MMUT: variants seen among roughly 807,000 people sequenced by gnomAD.
The protein encoded by MMUT is methylmalonyl-CoA mutase, also known as methylmalonyl-CoA mutase, mitochondrial.
Under a neutral mutation model 79.9 loss-of-function variants are expected in MMUT, and 79 were observed. The ratio of observed to expected loss-of-function variants is 0.99; its 90% CI spans 0.82 to 1.19. The LOEUF (loss-of-function observed/expected upper bound fraction) is 1.19, where lower values mean the gene tolerates loss of function less well. MMUT is among the 50% of genes most tolerant of loss of function. The pLI is 0.00. For synonymous variants in MMUT, 273 were observed against 295.7 expected, an observed-to-expected ratio of 0.92 and a Z score of 0.79; for missense variants, 860 against 917.2, an observed-to-expected ratio of 0.94 and a Z score of 0.81.
intron 8 of MMUT, among the ~76,000 whole-genome samples, chr6:49,445,150 A>G (rs1282357190): frequency 2.6e-5 from 4 of 152,126 alleles, no homozygotes; most frequent in Non-Finnish European, 5.9e-5. Context: ...ATCAAAACTT[A>G]GAGAATATTT....
At chr6:49,434,747 T>C (rs1327775936) in intron 12 of MMUT, among the ~76,000 whole-genome samples, 1 of 152,180 alleles carries the variant, frequency 6.6e-6, no homozygotes, top group Non-Finnish European at 1.5e-5. Context: ...AGGTAACATC[T>C]GTTTCTCCTC....
Position 49,458,187 on chromosome 6 carries a change from G to A in MMUT, c.386-129C>T, listed in dbSNP as rs970901037. ...ACACTTTTATAACAACTATTTTTAT[G>A]CTCATACATGTCAAAACCAACTTAA... On this transcript the variant is annotated intron_variant, in intron 2 of 12. Transcript: ENST00000274813. 5 of 921,496 alleles carry A rather than the reference G, an allele frequency of 5.4e-6. No individual in the cohort carries two copies. The African/African-American group carries it at 8.4e-5, about 15-fold the overall frequency. The allele number at this position is 921,496 out of a possible 1,614,324, so 57.1% of individuals were successfully genotyped here.
chr6:49,432,578 A>G (rs1019521468), intron 12 of MMUT, among the ~76,000 whole-genome samples: 3 of 152,008 alleles, frequency 2.0e-5, no homozygotes, highest in Non-Finnish European at 2.9e-5. Context: ...TAGTAGACAC[A>G]GGGTTTCACC....
intron 6 of MMUT, among the ~76,000 whole-genome samples, chr6:49,451,098 A>AT (rs1450735024): frequency 1.3e-5 from 2 of 152,162 alleles, no homozygotes; most frequent in Non-Finnish European, 2.9e-5. Flanking sequence ...TATACATGTG[A>AT]TTTTAAACTA....
Position 49,431,680 on chromosome 6 carries a change from C to T in MMUT, c.*48G>A, listed in dbSNP as rs1306698212. ...ACATAGCTTTACTCTCTTCTTTGAT[C>T]ATAACTAAAATAATATTTTAGACAA... On this transcript the variant is annotated 3_prime_UTR_variant, in exon 13 of 13. Coordinates refer to ENST00000274813, the MANE Select transcript of MMUT (RefSeq NM_000255.4). 1 of 1,572,446 alleles carries T rather than the reference C, an allele frequency of 6.4e-7. No individual in the cohort carries two copies. The highest frequency in any genetic ancestry group is 1.1e-5 in the South Asian group (1 of 89,286).
chr6:49,454,023 C>T (rs1314251993), intron 4 of MMUT, among the ~76,000 whole-genome samples: 1 of 151,970 alleles, frequency 6.6e-6, no homozygotes, highest in Non-Finnish European at 1.5e-5. Flanking sequence ...TCTTCCTATG[C>T]CCTTCATTAA....
Position 49,440,261 on chromosome 6 carries a change from A to ATAAC in MMUT, c.1897_1900dup (p.Ile634SerfsTer8). 2 of 1,614,128 alleles carry ATAAC rather than the reference A, an allele frequency of 1.2e-6. No homozygotes were observed. The highest frequency in any genetic ancestry group is 1.7e-6 in the Non-Finnish European group (2 of 1,179,982). The stretch of plus-strand genomic sequence containing the variant: ...ACCAAGATCAGCAAATCCTGTAGCA[A>ATAAC]TAACTTTTGCTCCTCTGTCATGGCC... On this transcript the variant is annotated frameshift_variant, in exon 11 of 13. Transcript: ENST00000274813. LOFTEE classifies it high-confidence loss of function.
In MMUT at chr6:49,459,364, G is replaced by A. The variant is rs1356455272; in HGVS notation, c.103C>T (p.Gln35Ter). The A allele has an allele frequency of 6.2e-7, 1 of 1,613,866 alleles. No homozygotes were observed. The highest frequency in any genetic ancestry group is 8.5e-7 in the Non-Finnish European group (1 of 1,179,974). The change falls in exon 2 of 13, where the codon CAG becomes TAG. Residue 35 changes from glutamine to a stop codon, truncating the protein, a stop_gained. Coordinates refer to ENST00000274813, the MANE Select transcript of MMUT (RefSeq NM_000255.4). LOFTEE classifies it high-confidence loss of function. ...CATTCTGGGTGAAGGGGCTGTTGCT[G>A]GTGTAGAAGTCGTTGCTGTATGAGC... Reference protein sequence around the residue: ...SRLIQQRLLHQQQPLHPEWAA... With the variant: ...SRLIQQRLLH
chr6:49,431,364 TAGTC>T lies in MMUT; in HGVS notation c.*360_*363del, dbSNP rs576059123. The T allele has an allele frequency of 1.3e-4, 21 of 163,038 alleles. 1 individual carries two copies. The South Asian group carries it at 3.5e-3, about 27-fold the overall frequency. The allele number at this position is 163,038 out of a possible 1,614,324, so 10.1% of individuals were successfully genotyped here. A position where few individuals can be genotyped will look rare whatever the true frequency, so the allele number is the denominator to read the frequency against. On this transcript the variant is annotated 3_prime_UTR_variant, in exon 13 of 13. Transcript: ENST00000274813. ...GTAATGCTAAACTGACAAATGGGAATAGTCAGAGTTTTTTTAGGTACAGTTTAAT... is the reference window on the plus strand; with the variant it reads ...GTAATGCTAAACTGACAAATGGGAATAGAGTTTTTTTAGGTACAGTTTAAT...
chr6:49,446,649 A>C (rs1006542803), intron 8 of MMUT, among the ~76,000 whole-genome samples: 1 of 151,874 alleles, frequency 6.6e-6, no homozygotes, highest in African/African-American at 2.4e-5. Context: ...CAAGAAAAGG[A>C]TTTAGTACAG....
intron 11 of MMUT, among the ~76,000 whole-genome samples, chr6:49,438,015 A>C (rs1201766621): frequency 6.6e-6 from 1 of 152,094 alleles, no homozygotes; most frequent in African/African-American, 2.4e-5. Context: ...AGTAATTTTC[A>C]TACTATGTAC....
chr6:49,441,609 A>G (rs911179009), intron 10 of MMUT, among the ~76,000 whole-genome samples: 2 of 149,290 alleles, frequency 1.3e-5, no homozygotes, highest in Middle Eastern at 3.6e-3. Context: ...TAGATATATA[A>G]TATGTATCAT....
At chr6:49,443,587 CA>C (rs1312332290) in intron 9 of MMUT, among the ~76,000 whole-genome samples, 1 of 152,042 alleles carries the variant, frequency 6.6e-6, no homozygotes, top group Non-Finnish European at 1.5e-5. Context: ...GGTAATATTT[CA>C]GACTCCTTCT....
chr6:49,450,521 C>T (rs954532398), intron 6 of MMUT, among the ~76,000 whole-genome samples: 6 of 151,856 alleles, frequency 4.0e-5, no homozygotes, highest in Non-Finnish European at 7.4e-5. Flanking sequence ...AAAGAAAGAT[C>T]CTGAATGAGA....
intron 11 of MMUT, among the ~76,000 whole-genome samples, chr6:49,438,924 C>T (rs146676240): frequency 6.6e-6 from 1 of 152,298 alleles, no homozygotes; most frequent in African/African-American, 2.4e-5. Flanking sequence ...CTCGGACTGG[C>T]TCTCCTTGCT....
intron 12 of MMUT, among the ~76,000 whole-genome samples, chr6:49,432,320 G>A (rs1766999744): frequency 7.3e-6 from 1 of 137,144 alleles, no homozygotes; most frequent in African/African-American, 2.7e-5. Context: ...TTCTATAAAT[G>A]AAAATAAGCC....
Position 49,431,469 on chromosome 6 carries a change from C to A in MMUT, c.*259G>T. The A allele has an allele frequency of 4.2e-6, 1 of 238,310 alleles. No homozygotes were observed. The highest frequency in any genetic ancestry group is 8.2e-6 in the Non-Finnish European group (1 of 121,466). 14.8% of individuals were successfully genotyped at this position (238,310 alleles called of 1,614,324 possible). A position where few individuals can be genotyped will look rare whatever the true frequency, so the allele number is the denominator to read the frequency against. On this transcript the variant is annotated 3_prime_UTR_variant, in exon 13 of 13. Coordinates refer to ENST00000274813, the MANE Select transcript of MMUT (RefSeq NM_000255.4). Reference sequence around the variant, plus strand: ...TCACCATGATTTTTAAAAATAATACCATTGTCCAGAGTTCTTGATAAAGTA... The same window carrying A: ...TCACCATGATTTTTAAAAATAATACAATTGTCCAGAGTTCTTGATAAAGTA...
rs1767677480 is a variant in MMUT at position 49,456,021 on chromosome 6, A to G, written c.911+59T>C. The G allele has an allele frequency of 4.0e-5, 55 of 1,365,136 alleles. 2 individuals are homozygous for G. In the South Asian group the frequency reaches 6.7e-4, roughly 17 times the overall value. 84.6% of individuals were successfully genotyped at this position (1,365,136 alleles called of 1,614,324 possible). ...ATTTATAAATTCATTTTATCAATAT[A>G]TAAAATGGTCCTATGCATTTCTTAA... On this transcript the variant is annotated intron_variant, in intron 4 of 12. Transcript: ENST00000274813.
Position 49,447,659 on chromosome 6 carries a change from G to C in MMUT, c.1560+11C>G, listed in dbSNP as rs749559856. 5.1e-6 allele frequency: 7 copies of C among 1,372,962 alleles called. No homozygotes were observed. The highest frequency in any genetic ancestry group is 6.1e-6 in the Non-Finnish European group (6 of 978,968). The allele number at this position is 1,372,962 out of a possible 1,614,324, so 85.0% of individuals were successfully genotyped here. On this transcript the variant is annotated intron_variant, in intron 8 of 12. Coordinates refer to ENST00000274813, the MANE Select transcript of MMUT (RefSeq NM_000255.4). ...TACTTAAAAAAAAAAAAAAAAGCAA[G>C]CTATTAATACCTTCTTAAGTTTTTC...
Sources: gnomAD v4.1 joint callset for allele counts (sites outside exome capture counted in the v4.1 genomes callset) on GRCh38, gnomAD v4.1.1 for gene constraint, MANE v1.5 for transcripts, NCBI Gene and HGNC (gene_info 2026-07-23, HGNC 2026-07-21) for gene names.